GRIK2: variants seen among roughly 807,000 people sequenced by gnomAD.
The protein encoded by GRIK2 is glutamate ionotropic receptor kainate type subunit 2.
A neutral mutation model predicts 100.3 loss-of-function variants in GRIK2; 32 were observed. The ratio of observed to expected loss-of-function variants is 0.32; its 90% confidence interval spans 0.24 to 0.43. The LOEUF is 0.43. Among genes scored for constraint, GRIK2 ranks in the 20% least tolerant of loss-of-function variants. GRIK2 has a pLI of 1.00. For synonymous variants in GRIK2, 417 were observed against 389.4 expected (o/e 1.07, Z -0.83); for missense variants, 843 against 1,114.9 (o/e 0.76, Z 3.47).
intron 2 of GRIK2, among the ~76,000 whole-genome samples, chr6:101,471,531 C>A (rs1310814678): frequency 6.6e-6 from 1 of 151,874 alleles, no homozygotes; most frequent in African/African-American, 2.4e-5. Flanking sequence ...TATCTTACAG[C>A]TAAACACCAG....
chr6:101,968,865 A>G (rs1792864924), intron 14 of GRIK2, among the ~76,000 whole-genome samples: 1 of 152,054 alleles, frequency 6.6e-6, no homozygotes, highest in African/African-American at 2.4e-5. Flanking sequence ...TCTTCATAAT[A>G]GATGCATTTC....
chr6:101,468,869 T>C (rs1369250009), intron 2 of GRIK2, among the ~76,000 whole-genome samples: 2 of 152,148 alleles, frequency 1.3e-5, no homozygotes, highest in Non-Finnish European at 2.9e-5. Context: ...TACTCCTTCC[T>C]TCTACCTGCC....
In GRIK2 at chr6:101,818,477, C is replaced by T; in HGVS notation, c.1311C>T (p.Thr437=). ...CCAATCGTTCTTTGATTGTTACCACCATTTTGGTAAGTATTTGCTTTTCCA... is the reference window on the plus strand; with the variant it reads ...CCAATCGTTCTTTGATTGTTACCACTATTTTGGTAAGTATTTGCTTTTCCA... ...SLSNRSLIVT[T]ILEEPYVLFK... The change falls in exon 10 of 17, where the codon ACC becomes ACT. Residue 437 remains threonine, a synonymous_variant. Transcript: ENST00000369134. The T allele has an allele frequency of 6.4e-7, 1 of 1,554,754 alleles. No homozygotes were observed. The highest frequency in any genetic ancestry group is 1.4e-5 in the African/African-American group (1 of 73,906).
chr6:101,881,513 A>G (rs924285188), intron 11 of GRIK2, among the ~76,000 whole-genome samples: 1 of 151,950 alleles, frequency 6.6e-6, no homozygotes, highest in Non-Finnish European at 1.5e-5. Flanking sequence ...TTGATATGCA[A>G]GATCTCAGAT....
intron 7 of GRIK2, among the ~76,000 whole-genome samples, chr6:101,738,725 T>C (rs537363430): frequency 3.9e-5 from 6 of 152,300 alleles, no homozygotes; most frequent in African/African-American, 1.2e-4. Flanking sequence ...GACTGTCCTA[T>C]GTAATGTTGG....
chr6:101,582,819 G>A (rs1375848853), intron 2 of GRIK2, among the ~76,000 whole-genome samples: 1 of 152,126 alleles, frequency 6.6e-6, no homozygotes, highest in Non-Finnish European at 1.5e-5. Flanking sequence ...GGAAGCTTCT[G>A]TGTACCTATT....
chr6:101,866,502 A>G (rs1364505519), intron 11 of GRIK2, among the ~76,000 whole-genome samples: 2 of 152,132 alleles, frequency 1.3e-5, no homozygotes, highest in African/African-American at 4.8e-5. Context: ...TTTGTTAGCA[A>G]CCTCATCCGA....
intron 14 of GRIK2, among the ~76,000 whole-genome samples, chr6:102,025,252 A>T (rs1769631105): frequency 6.6e-6 from 1 of 151,196 alleles, no homozygotes; most frequent in South Asian, 2.1e-4. Context: ...GATATACTAG[A>T]CACTGTTCCA....
intron 10 of GRIK2, among the ~76,000 whole-genome samples, chr6:101,827,418 A>G (rs1782404066): frequency 6.6e-6 from 1 of 151,930 alleles, no homozygotes; most frequent in African/African-American, 2.4e-5. Flanking sequence ...ATTGCTCTAT[A>G]AGCCTGGCAT....
chr6:102,015,238 G>A (rs940239253), intron 14 of GRIK2, among the ~76,000 whole-genome samples: 5 of 150,426 alleles, frequency 3.3e-5, no homozygotes, highest in Admixed American at 3.3e-4. Context: ...CGTCTGTTTT[G>A]TTTGAAATTA....
intron 7 of GRIK2, among the ~76,000 whole-genome samples, chr6:101,742,389 G>A (rs1435604481): frequency 6.6e-6 from 1 of 152,058 alleles, no homozygotes; most frequent in African/African-American, 2.4e-5. Context: ...GATGATTGAG[G>A]TGTCAACAAA....
intron 12 of GRIK2, among the ~76,000 whole-genome samples, chr6:101,903,988 G>C (rs188424654): frequency 1.3e-5 from 2 of 151,292 alleles, no homozygotes; most frequent in African/African-American, 2.4e-5. Context: ...CAAATTAAAG[G>C]CTCTGAAAAT....
In GRIK2 at chr6:101,465,965, C is replaced by G. The variant is rs147666781; in HGVS notation, c.115+66573C>G. ...AAAAGCATGAGGTAAGATTGTCTTC[C>G]CACATGAGCTGAAAAACAAGAACAA... On this transcript the variant is annotated intron_variant, in intron 2 of 16. Coordinates refer to ENST00000369134, the MANE Select transcript of GRIK2 (RefSeq NM_021956.5). Among the ~76,000 whole-genome samples, 270 of 152,192 alleles carry G rather than the reference C, an allele frequency of 1.8e-3. 2 individuals are homozygous for G. The highest frequency in any genetic ancestry group is 6.2e-3 in the African/African-American group (257 of 41,514).
chr6:101,544,526 C>G (rs1454088976), intron 2 of GRIK2, among the ~76,000 whole-genome samples: 6 of 152,136 alleles, frequency 3.9e-5, no homozygotes, highest in Non-Finnish European at 8.8e-5. Context: ...TGTTGTGGAT[C>G]CAGTATGAAT....
intron 4 of GRIK2, among the ~76,000 whole-genome samples, chr6:101,655,730 G>A (rs1156571131): frequency 1.3e-5 from 2 of 152,106 alleles, no homozygotes; most frequent in Non-Finnish European, 2.9e-5. Flanking sequence ...GACATGACAA[G>A]ATAACATAAT....
chr6:101,751,703 A>C (rs1388561509), intron 7 of GRIK2, among the ~76,000 whole-genome samples: 1 of 152,208 alleles, frequency 6.6e-6, no homozygotes, highest in East Asian at 1.9e-4. Context: ...TGCTGATTGC[A>C]ACCCCATGAT....
chr6:101,532,699 A>G (rs940265292), intron 2 of GRIK2, among the ~76,000 whole-genome samples: 2 of 151,692 alleles, frequency 1.3e-5, no homozygotes, highest in African/African-American at 4.8e-5. Flanking sequence ...ACACACACAC[A>G]TACATATATG....
intron 2 of GRIK2, among the ~76,000 whole-genome samples, chr6:101,466,782 C>T (rs1771671857): frequency 6.6e-6 from 1 of 152,084 alleles, no homozygotes; most frequent in South Asian, 2.1e-4. Flanking sequence ...TGTGTGCTTT[C>T]AAGAGTTTTA....
chr6:101,657,675 A>G (rs1769292780), intron 4 of GRIK2, among the ~76,000 whole-genome samples: 1 of 152,104 alleles, frequency 6.6e-6, no homozygotes, highest in Non-Finnish European at 1.5e-5. Flanking sequence ...TATGATCTTG[A>G]TTATTATGAG....
Sources: gnomAD v4.1 joint callset for allele counts (sites outside exome capture counted in the v4.1 genomes callset) on GRCh38, gnomAD v4.1.1 for gene constraint, MANE v1.5 for transcripts, NCBI Gene and HGNC (gene_info 2026-07-23, HGNC 2026-07-21) for gene names.